ILDR2: variants seen among roughly 807,000 people sequenced by gnomAD.
The protein encoded by ILDR2 is immunoglobulin like domain containing receptor 2.
Under a neutral mutation model 66.8 loss-of-function variants are expected in ILDR2, and 25 were observed. The observed-to-expected ratio is 0.37, with a 90% CI of 0.27 to 0.52. The LOEUF (loss-of-function observed/expected upper bound fraction) is 0.52. ILDR2 is among the 20% of genes least tolerant of loss of function. The pLI is 0.88. For synonymous variants in ILDR2, 367 were observed against 357.2 expected, an observed-to-expected ratio of 1.03 and a Z score of -0.31; for missense variants, 827 against 876.8, an observed-to-expected ratio of 0.94 and a Z score of 0.72.
intron 1 of ILDR2, among the ~76,000 whole-genome samples, chr1:166,969,197 C>G (rs564548612): frequency 6.6e-6 from 1 of 152,164 alleles, no homozygotes; most frequent in Non-Finnish European, 1.5e-5. Context: ...CCCCCCTACA[C>G]GCTGCCTCCT....
chr1:166,964,376 C>G (rs1476549184), intron 1 of ILDR2, among the ~76,000 whole-genome samples: 2 of 152,172 alleles, frequency 1.3e-5, no homozygotes, highest in Admixed American at 1.3e-4. Flanking sequence ...ATTTAAAAGA[C>G]CAGTCCCTCA....
At chr1:166,935,681 A>T (rs1333032869) in intron 5 of ILDR2, among the ~76,000 whole-genome samples, 1 of 152,152 alleles carries the variant, frequency 6.6e-6, no homozygotes, top group Admixed American at 6.5e-5. Flanking sequence ...CCAAACGGCA[A>T]CGACAAAAGG....
intron 1 of ILDR2, among the ~76,000 whole-genome samples, chr1:166,969,351 T>G (rs1296691167): frequency 1.3e-5 from 2 of 152,244 alleles, no homozygotes; most frequent in Non-Finnish European, 2.9e-5. Context: ...GAGTTCTTCC[T>G]TGTTCCTTGG....
At chr1:166,896,921 C>T (rs1013856018) in intron 2 of ILDR2, among the ~76,000 whole-genome samples, 4 of 152,178 alleles carry the variant, frequency 2.6e-5, no homozygotes, top group African/African-American at 7.2e-5. Flanking sequence ...AGGTGTGAGC[C>T]ACCATGCCCA....
intron 1 of ILDR2, among the ~76,000 whole-genome samples, chr1:166,965,936 C>T (rs1320895093): frequency 6.6e-6 from 1 of 151,982 alleles, no homozygotes; most frequent in Non-Finnish European, 1.5e-5. Context: ...TAAACATCTC[C>T]TCTGAGTTTG....
intron 1 of ILDR2, among the ~76,000 whole-genome samples, chr1:166,962,706 T>TA (rs1299356595): frequency 2.0e-5 from 3 of 152,222 alleles, no homozygotes; most frequent in East Asian, 1.9e-4. Flanking sequence ...TCCTACCTCT[T>TA]AGAGTTTTGT....
chr1:166,920,760 G>C lies in ILDR2; in HGVS notation c.1831C>G (p.Pro611Ala). Reference sequence around the variant, plus strand: ...TTCTTCTCCGAGTTGCTGTGGTAGGGCAGGTCGCGGCCGCGGTAGGACGGG... The same window carrying C: ...TTCTTCTCCGAGTTGCTGTGGTAGGCCAGGTCGCGGCCGCGGTAGGACGGG... The part of the protein sequence containing the change: ...RGPSYRGRDL[P>A]YHSNSEKKRK... The change falls in exon 9 of 10, where the codon CCC becomes GCC. Residue 611 changes from proline to alanine, a missense_variant. By Grantham distance (27) the Pro-to-Ala change is conservative (BLOSUM62 -1). Transcript: ENST00000271417. The C allele has an allele frequency of 6.7e-7, 1 of 1,490,524 alleles. No individual in the cohort carries two copies. Among genetic ancestry groups the C allele is most frequent in the Non-Finnish European group, 8.9e-7 (1 of 1,120,200 alleles). 92.3% of individuals were successfully genotyped at this position (1,490,524 alleles called of 1,614,324 possible).
intron 2 of ILDR2, among the ~76,000 whole-genome samples, chr1:166,898,875 C>A (rs1230129082): frequency 6.7e-6 from 1 of 149,560 alleles, no homozygotes; most frequent in African/African-American, 2.5e-5. Context: ...GCCTGAGCAA[C>A]ATAGGAAGAT....
chr1:166,919,863 C>T (rs956929159), intron 9 of ILDR2, among the ~76,000 whole-genome samples: 9 of 152,112 alleles, frequency 5.9e-5, no homozygotes. Context: ...AGCTTGGATT[C>T]ATAAAAAACG....
chr1:166,919,521 C>A, intron 9 of ILDR2, 131 bp from the exon 10 acceptor site: 1 of 718,946 alleles, frequency 1.4e-6, no homozygotes, highest in South Asian at 2.1e-5. Context: ...CAGAACCTTT[C>A]ATTAGACCTG....
chr1:166,937,561 G>A lies in ILDR2; in HGVS notation c.557-824C>T, dbSNP rs533222917. ...ATATCTGGGTATGTTTGTTAACTCCGCCTCTTTCACAGCTCTGCCAGAAGC... is the reference window on the plus strand; with the variant it reads ...ATATCTGGGTATGTTTGTTAACTCCACCTCTTTCACAGCTCTGCCAGAAGC... On this transcript the variant is annotated intron_variant, in intron 4 of 9. Transcript: ENST00000271417. 3.3e-5 allele frequency among the ~76,000 whole-genome samples: 5 copies of A among 152,334 alleles called. No individual in the cohort carries two copies. In the South Asian group the frequency reaches 6.2e-4, roughly 19 times the overall value.
rs1659642188 is a variant in ILDR2 at position 166,916,331 on chromosome 1, T to A, written c.*3024A>T. On this transcript the variant is annotated 3_prime_UTR_variant, in exon 10 of 10. Transcript: ENST00000271417. ...TTAATATCAAAGTATTCTCATTTTT[T>A]AAAAAAACTAAATCTCTGGTTTTAT... 6.6e-6 allele frequency: 1 copy of A among 152,200 alleles called. No individual in the cohort carries two copies. 9.4% of individuals were successfully genotyped at this position (152,200 alleles called of 1,614,324 possible).
intron 1 of ILDR2, among the ~76,000 whole-genome samples, chr1:166,962,701 C>T (rs1456132992): frequency 6.6e-6 from 1 of 152,076 alleles, no homozygotes; most frequent in Non-Finnish European, 1.5e-5. Context: ...TGGGGTCCTA[C>T]CTCTTAGAGT....
At chr1:166,946,925 G>T (rs545192528) in intron 3 of ILDR2, among the ~76,000 whole-genome samples, 1 of 152,150 alleles carries the variant, frequency 6.6e-6, no homozygotes, top group Non-Finnish European at 1.5e-5. Context: ...GAAATTTTCA[G>T]CACCTTTTAA....
At chr1:166,927,623 T>A (rs748953163) in intron 6 of ILDR2, among the ~76,000 whole-genome samples, 15 of 152,344 alleles carry the variant, frequency 9.8e-5, no homozygotes, top group Non-Finnish European at 1.9e-4. Context: ...TTACAGATAC[T>A]CAAACATCAA....
At chr1:166,968,451 C>T (rs1024270615) in intron 1 of ILDR2, among the ~76,000 whole-genome samples, 5 of 152,110 alleles carry the variant, frequency 3.3e-5, no homozygotes, top group African/African-American at 1.2e-4. Flanking sequence ...AACCATCTAT[C>T]TCCCCCACTA....
chr1:166,934,637 C>T (rs1052808175), intron 6 of ILDR2, among the ~76,000 whole-genome samples: 1 of 152,208 alleles, frequency 6.6e-6, no homozygotes, highest in Non-Finnish European at 1.5e-5. Context: ...TCCGTCGTAT[C>T]CTTCTACCTT....
intron 7 of ILDR2, among the ~76,000 whole-genome samples, chr1:166,924,504 A>T (rs1224907423): frequency 6.6e-6 from 1 of 152,230 alleles, no homozygotes; most frequent in African/African-American, 2.4e-5. Context: ...GTTGAACATA[A>T]ACATCGACCT....
chr1:166,943,947 G>A (rs866875156), intron 3 of ILDR2: 31 of 643,910 alleles, frequency 4.8e-5, no homozygotes, highest in African/African-American at 6.0e-5. Flanking sequence ...TTATGTAAGC[G>A]CTCAAACAGT....
Sources: allele counts gnomAD v4.1 joint callset (sites outside exome capture counted in the v4.1 genomes callset), GRCh38; gene constraint gnomAD v4.1.1; transcripts MANE v1.5; gene names NCBI Gene and HGNC (gene_info 2026-07-23, HGNC 2026-07-21).